CYP19A1: variants seen among roughly 807,000 people sequenced by gnomAD.
CYP19A1 encodes aromatase.
CYP19A1 carries 32 observed loss-of-function variants against 44.4 expected under a neutral mutation model. That is an observed-to-expected ratio of 0.72 (90% CI 0.54 to 0.97). The LOEUF (loss-of-function observed/expected upper bound fraction) is 0.97. Ranked by LOEUF, CYP19A1 falls within the 50% of genes least tolerant of loss-of-function variation. The pLI is 0.00. For missense variants in CYP19A1, 598 were observed against 637.8 expected, an observed-to-expected ratio of 0.94 and a Z score of 0.67; for synonymous variants, 212 against 215.6, an observed-to-expected ratio of 0.98 and a Z score of 0.14.
chr15:51,238,063 C>T (rs764257887), intron 2 of CYP19A1, among the ~76,000 whole-genome samples: 7 of 152,114 alleles, frequency 4.6e-5, no homozygotes, highest in Non-Finnish European at 8.8e-5. Flanking sequence ...ATGTTTAATC[C>T]CAAACACAGC....
chr15:51,312,447 A>G (rs2036331355), intron 1 of CYP19A1: 1 of 152,230 alleles, frequency 6.6e-6, no homozygotes, highest in Non-Finnish European at 1.5e-5. Flanking sequence ...GGTTGCAATC[A>G]TCTGTTTCCT....
chr15:51,250,328 G>A (rs988431474), intron 1 of CYP19A1, among the ~76,000 whole-genome samples: 16 of 152,204 alleles, frequency 1.1e-4, no homozygotes, highest in African/African-American at 3.6e-4. Context: ...CTCCCCAGGA[G>A]GTGCTCCATG....
intron 1 of CYP19A1, among the ~76,000 whole-genome samples, chr15:51,252,783 GCCA>G: frequency 6.8e-6 from 1 of 147,570 alleles, no homozygotes; most frequent in African/African-American, 2.6e-5. Flanking sequence ...CTAGCCACTA[GCCA>G]CTGTTTTAGG....
intron 1 of CYP19A1, among the ~76,000 whole-genome samples, chr15:51,306,496 G>A (rs2036218266): frequency 6.6e-6 from 1 of 151,570 alleles, no homozygotes; most frequent in Non-Finnish European, 1.5e-5. Context: ...GGAAATAATT[G>A]GAAGTTATGT....
At chr15:51,309,451 C>T (rs1197122437) in intron 1 of CYP19A1, among the ~76,000 whole-genome samples, 1 of 152,228 alleles carries the variant, frequency 6.6e-6, no homozygotes, top group African/African-American at 2.4e-5. Flanking sequence ...CCAACTCCCC[C>T]ACTCTTTATT....
At chr15:51,233,396 T>C (rs1472971158) in intron 3 of CYP19A1, among the ~76,000 whole-genome samples, 2 of 152,204 alleles carry the variant, frequency 1.3e-5, no homozygotes, top group Non-Finnish European at 2.9e-5. Context: ...AGTGACGACA[T>C]ATTGCTCCAT....
intron 1 of CYP19A1, among the ~76,000 whole-genome samples, chr15:51,268,519 TCCC>T (rs34270729): frequency 0.47 from 65,496 of 138,908 alleles, 14,922 homozygotes; most frequent in African/African-American, 0.51. Context: ...ATCGTTTCCT[TCCC>T]CCCCCCCCTT....
chr15:51,222,418 C>T lies in CYP19A1; in HGVS notation c.559G>A (p.Val187Met), dbSNP rs762969118. The part of the protein sequence containing the change: ...EVTNESGYVD[V>M]LTLLRRVMLD... The stretch of plus-strand genomic sequence containing the variant: ...ATGACACGACGCAGAAGGGTCAACA[C>T]GTCCACATAGCCCGATTCATTGGTC... The change falls in exon 5 of 10, where the codon GTG (valine) becomes ATG (methionine). Residue 187 changes from valine to methionine, a missense_variant. Val to Met is a conservative substitution (Grantham distance 21). Coordinates refer to ENST00000396402, the MANE Select transcript of CYP19A1 (RefSeq NM_000103.4). 6.8e-6 allele frequency: 11 copies of T among 1,614,048 alleles called. No individual in the cohort carries two copies. Among genetic ancestry groups the T allele is most frequent in the East Asian group, 6.7e-5 (3 of 44,890 alleles).
intron 3 of CYP19A1, among the ~76,000 whole-genome samples, chr15:51,233,798 G>A (rs2033200770): frequency 6.6e-6 from 1 of 152,048 alleles, no homozygotes; most frequent in Non-Finnish European, 1.5e-5. Context: ...GACATATAAT[G>A]GACATATAGT....
chr15:51,331,046 T>C (rs958117957), intron 1 of CYP19A1, among the ~76,000 whole-genome samples: 8 of 152,014 alleles, frequency 5.3e-5, no homozygotes, highest in African/African-American at 1.9e-4. Context: ...AATAAGGTTG[T>C]TTTGGAGTTG....
At position 51,212,476 on chromosome 15, in the gene CYP19A1, G is replaced by A. The variant is rs767322330; in HGVS notation, c.1107C>T (p.Val369=). 2.5e-6 allele frequency: 4 copies of A among 1,605,896 alleles called. No homozygotes were observed. Among genetic ancestry groups the A allele is most frequent in the Non-Finnish European group, 3.4e-6 (4 of 1,172,516 alleles). Residue 369 remains valine, a synonymous_variant, in exon 9 of 10, where the codon GTC becomes GTT. Transcript: ENST00000396402. The stretch of plus-strand genomic sequence containing the variant: ...AGGCTTTGCGCATGACCAAGTCCAC[G>A]ACAGGCTGGTACCGCATGCTCTCAT... ...FIYESMRYQP[V]VDLVMRKALE...
intron 1 of CYP19A1, among the ~76,000 whole-genome samples, chr15:51,280,709 G>C (rs1595752477): frequency 6.6e-6 from 1 of 152,196 alleles, no homozygotes. Context: ...GGACCCATGA[G>C]GGCTTGGCTT....
intron 1 of CYP19A1, among the ~76,000 whole-genome samples, chr15:51,295,204 G>A (rs2035967614): frequency 6.7e-6 from 1 of 149,356 alleles, no homozygotes; most frequent in African/African-American, 2.5e-5. Context: ...TTTTTGTGAA[G>A]CACTGCTGAA....
intron 1 of CYP19A1, among the ~76,000 whole-genome samples, chr15:51,334,435 T>C (rs78932554): frequency 0.035 from 5,356 of 152,342 alleles, 298 homozygotes; most frequent in African/African-American, 0.12. Flanking sequence ...TGAAGTGCTC[T>C]ACACATGTAA....
chr15:51,280,173 G>A (rs2035467008), intron 1 of CYP19A1, among the ~76,000 whole-genome samples: 1 of 141,776 alleles, frequency 7.1e-6, no homozygotes, highest in Admixed American at 7.3e-5. Flanking sequence ...CCAGGCTGGA[G>A]TGCAGTGGCA....
chr15:51,324,474 A>T lies in CYP19A1; in HGVS notation c.-39+14021T>A, dbSNP rs564430393. On this transcript the variant is annotated intron_variant, in intron 1 of 9. Coordinates refer to ENST00000396402, the MANE Select transcript of CYP19A1 (RefSeq NM_000103.4). ...GGGGCCATCACACTGATTGAGCCCCACTCTGATGAATTAAGTAATGTACCC... is the reference window on the plus strand; with the variant it reads ...GGGGCCATCACACTGATTGAGCCCCTCTCTGATGAATTAAGTAATGTACCC... Among the ~76,000 whole-genome samples the T allele has an allele frequency of 1.7e-4, 26 of 152,352 alleles. No individual in the cohort carries two copies. In the South Asian group the frequency reaches 5.2e-3, roughly 30 times the overall value.
In CYP19A1 at chr15:51,310,182, T is replaced by C. The variant is rs553073298; in HGVS notation, c.-39+28313A>G. ...AATGGAAGGCATGCATTGCACACTA[T>C]CTCCCTCACTGATTACAACCAAACA... On this transcript the variant is annotated intron_variant, in intron 1 of 9. Transcript: ENST00000396402. 7.9e-5 allele frequency among the ~76,000 whole-genome samples: 12 copies of C among 152,188 alleles called. No homozygotes were observed. In the South Asian group the frequency reaches 2.5e-3, roughly 32 times the overall value.
chr15:51,286,890 A>G (rs2035715505), intron 1 of CYP19A1, among the ~76,000 whole-genome samples: 1 of 152,252 alleles, frequency 6.6e-6, no homozygotes, highest in African/African-American at 2.4e-5. Flanking sequence ...AGTGAGCCAC[A>G]GCAGATTCAG....
At chr15:51,250,117 A>G (rs914095740) in intron 1 of CYP19A1, among the ~76,000 whole-genome samples, 24 of 152,230 alleles carry the variant, frequency 1.6e-4, no homozygotes, top group African/African-American at 5.3e-4. Flanking sequence ...ATGAGCAAAA[A>G]GCCCTGAAGG....
Sources: allele counts gnomAD v4.1 joint callset (sites outside exome capture counted in the v4.1 genomes callset), GRCh38; gene constraint gnomAD v4.1.1; transcripts MANE v1.5; gene names NCBI Gene and HGNC (gene_info 2026-07-23, HGNC 2026-07-21).